The following RAB3IP variants were observed in gnomAD, a reference collection of about 807,000 sequenced individuals.
The protein encoded by RAB3IP is RAB3A interacting protein, also known as rab-3A-interacting protein.
In RAB3IP, 36 loss-of-function variants were observed where a neutral mutation model predicts 59.1. That is an observed-to-expected ratio of 0.61 (90% CI 0.47 to 0.80). RAB3IP has a LOEUF of 0.80. Ranked by LOEUF, RAB3IP falls within the 30% of genes least tolerant of loss-of-function variation. The pLI, the probability that RAB3IP is intolerant of heterozygous loss-of-function variation, is 0.00. For synonymous variants in RAB3IP, 207 were observed against 191.2 expected (o/e 1.08, Z -0.68); for missense variants, 511 against 536.0 (o/e 0.95, Z 0.46).
At position 69,816,989 on chromosome 12, in the gene RAB3IP, G is replaced by A. The variant is rs1881198216; in HGVS notation, c.*1543G>A. 1 of 152,180 alleles carries A rather than the reference G, an allele frequency of 6.6e-6. No homozygotes were observed. Among genetic ancestry groups the A allele is most frequent in the South Asian group, 2.1e-4 (1 of 4,830 alleles). The allele number at this position is 152,180 out of a possible 1,614,324, so 9.4% of individuals were successfully genotyped here. On this transcript the variant is annotated 3_prime_UTR_variant, in exon 11 of 11. Transcript: ENST00000247833. ...AAAAACTTTGAACCTACAATTTTAT[G>A]TTCTGAAAATAGTTATTCTAATGTG... is the stretch of plus-strand genomic sequence containing the variant.
At chr12:69,773,378 G>A (rs748249544) in intron 3 of RAB3IP, among the ~76,000 whole-genome samples, 2 of 123,810 alleles carry the variant, frequency 1.6e-5, no homozygotes, top group South Asian at 2.7e-4. Context: ...TTTTGGATAC[G>A]CCTTCTACCC....
At chr12:69,751,967 A>T (rs1869386608) in intron 1 of RAB3IP, among the ~76,000 whole-genome samples, 1 of 148,234 alleles carries the variant, frequency 6.7e-6, no homozygotes. Context: ...CTCTCCTTCT[A>T]TAGGTAACCA....
chr12:69,746,992 A>C (rs1272990269), intron 1 of RAB3IP, among the ~76,000 whole-genome samples: 3 of 152,180 alleles, frequency 2.0e-5, no homozygotes, highest in Non-Finnish European at 4.4e-5. Context: ...TATTATTGTG[A>C]TAATACAAGT....
chr12:69,793,971 ATG>A (rs1191772979), intron 4 of RAB3IP, among the ~76,000 whole-genome samples: 2 of 152,204 alleles, frequency 1.3e-5, no homozygotes, highest in Admixed American at 1.3e-4. Context: ...AATTTTGGGA[ATG>A]TTTTTATTGA....
In RAB3IP at chr12:69,817,545, C is replaced by T. The variant is rs917485559; in HGVS notation, c.*2099C>T. On this transcript the variant is annotated 3_prime_UTR_variant, in exon 11 of 11. Coordinates refer to ENST00000247833, the MANE Select transcript of RAB3IP (RefSeq NM_022456.5). ...GTGCATCAGTAGTTAGGCATTGTGG[C>T]TCATGCCTGTAATCCCAGCACTTTG... 1 of 151,896 alleles carries T rather than the reference C, an allele frequency of 6.6e-6. No homozygotes were observed. The highest frequency in any genetic ancestry group is 2.4e-5 in the African/African-American group (1 of 41,324). 9.4% of individuals were successfully genotyped at this position (151,896 alleles called of 1,614,324 possible).
chr12:69,785,720 T>C (rs1040352037), intron 4 of RAB3IP, among the ~76,000 whole-genome samples: 2 of 152,204 alleles, frequency 1.3e-5, no homozygotes, highest in African/African-American at 4.8e-5. Context: ...ATGTTATTCT[T>C]ATCCAGAAAC....
chr12:69,780,667 T>C (rs1321213186), intron 3 of RAB3IP, among the ~76,000 whole-genome samples: 1 of 152,174 alleles, frequency 6.6e-6, no homozygotes, highest in Non-Finnish European at 1.5e-5. Flanking sequence ...GTGCAAGCAG[T>C]AATAAACTGG....
At chr12:69,802,456 A>G (rs1217292342) in intron 8 of RAB3IP, among the ~76,000 whole-genome samples, 1 of 152,210 alleles carries the variant, frequency 6.6e-6, no homozygotes. Context: ...ATCCAGTCCT[A>G]TAAGGAGGAA....
intron 3 of RAB3IP, among the ~76,000 whole-genome samples, chr12:69,767,377 ACT>A (rs1310757322): frequency 2.0e-5 from 3 of 152,048 alleles, no homozygotes; most frequent in East Asian, 1.9e-4. Flanking sequence ...AATGGTAGAA[ACT>A]CTGTTGCCTC....
chr12:69,760,365 C>T (rs918816362), intron 3 of RAB3IP, among the ~76,000 whole-genome samples: 3 of 152,112 alleles, frequency 2.0e-5, no homozygotes, highest in African/African-American at 4.8e-5. Context: ...CAGAGGGAGA[C>T]CGTGGAAAGA....
rs559913143 is a variant in RAB3IP at position 69,785,518 on chromosome 12, C to T, written c.606+703C>T. ...TGGAGGCCCAGGAGGGCTGATGGTG[C>T]ACTTCCAGTCCAACTTTGAAGGTCT... On this transcript the variant is annotated intron_variant, in intron 4 of 10. Coordinates refer to ENST00000247833, the MANE Select transcript of RAB3IP (RefSeq NM_022456.5). 1.0e-3 allele frequency among the ~76,000 whole-genome samples: 159 copies of T among 152,260 alleles called. 1 individual carries two copies. The highest frequency in any genetic ancestry group is 1.6e-3 in the Admixed American group (25 of 15,296).
Position 69,759,064 on chromosome 12 carries a change from T to C in RAB3IP, c.510+2401T>C, listed in dbSNP as rs547131334. 2.2e-4 allele frequency among the ~76,000 whole-genome samples: 33 copies of C among 150,250 alleles called. No individual in the cohort carries two copies. The East Asian group carries it at 5.3e-3, about 24-fold the overall frequency. The stretch of plus-strand genomic sequence containing the variant: ...ATTTGGCAGGGTCATAGGACAATAG[T>C]GGAGGGAAGGTCAGCAGATAAACAA... On this transcript the variant is annotated intron_variant, in intron 3 of 10. Transcript: ENST00000247833.
Position 69,739,536 on chromosome 12 carries a change from G to A in RAB3IP, c.-26+505G>A, listed in dbSNP as rs960674316. ...GCGGCAGGGCTGTGGACCTGGGGTG[G>A]TTTCGTGTCCCAGTCTTAGGAAACT... is the stretch of plus-strand genomic sequence containing the variant. On this transcript the variant is annotated intron_variant, in intron 1 of 10. Transcript: ENST00000247833. The A allele has an allele frequency of 2.5e-5, 11 of 438,742 alleles. No individual in the cohort carries two copies. In the Admixed American group the frequency reaches 3.5e-4, roughly 14 times the overall value. The allele number at this position is 438,742 out of a possible 1,614,324, so 27.2% of individuals were successfully genotyped here.
chr12:69,748,528 A>G (rs1868712711), intron 1 of RAB3IP, among the ~76,000 whole-genome samples: 1 of 152,222 alleles, frequency 6.6e-6, no homozygotes, highest in Middle Eastern at 3.2e-3. Context: ...CAGGAAATGC[A>G]TATTAGGGAT....
At chr12:69,759,817 G>A (rs370491057) in intron 3 of RAB3IP, among the ~76,000 whole-genome samples, 32 of 151,768 alleles carry the variant, frequency 2.1e-4, no homozygotes, top group South Asian at 1.0e-3. Flanking sequence ...CCTCCCGGAC[G>A]GGGCGGCTGC....
chr12:69,761,894 G>GAA (rs1871370047), intron 3 of RAB3IP, among the ~76,000 whole-genome samples: 1 of 152,114 alleles, frequency 6.6e-6, no homozygotes, highest in Admixed American at 6.5e-5. Context: ...TCAGAGATCT[G>GAA]TTTCTCTTCT....
chr12:69,804,672 A>G (rs1218284937), intron 8 of RAB3IP, among the ~76,000 whole-genome samples: 4 of 151,464 alleles, frequency 2.6e-5, no homozygotes, highest in South Asian at 2.1e-4. Flanking sequence ...TAATTTTTGT[A>G]TAAGGTGTAA....
intron 8 of RAB3IP, among the ~76,000 whole-genome samples, chr12:69,807,571 A>C (rs11835563): frequency 8.8e-6 from 1 of 113,222 alleles, no homozygotes; most frequent in Admixed American, 9.3e-5. Context: ...CCTCTCAGAC[A>C]GGGCGGCCGG....
intron 5 of RAB3IP, 60 bp downstream of exon 5, chr12:69,794,574 C>T (rs935632833): frequency 1.4e-5 from 18 of 1,285,308 alleles, no homozygotes; most frequent in Admixed American, 6.2e-5. Context: ...TTTAAAGATA[C>T]CTTAACATCT....
Sources: allele counts gnomAD v4.1 joint callset (sites outside exome capture counted in the v4.1 genomes callset), GRCh38; gene constraint gnomAD v4.1.1; transcripts MANE v1.5; gene names NCBI Gene and HGNC (gene_info 2026-07-23, HGNC 2026-07-21).